STK40: variants seen among roughly 807,000 people sequenced by gnomAD.
STK40 encodes serine/threonine-protein kinase 40.
STK40 carries 13 observed loss-of-function variants against 47.9 expected under a neutral mutation model. The observed-to-expected ratio is 0.27, with a 90% CI of 0.18 to 0.43. The LOEUF is 0.43. STK40 is among the 20% of genes least tolerant of loss of function. STK40 has a pLI of 1.00. For synonymous variants in STK40, 225 were observed against 243.2 expected (o/e 0.93, Z 0.69); for missense variants, 460 against 595.1 (o/e 0.77, Z 2.36).
intron 4 of STK40, among the ~76,000 whole-genome samples, chr1:36,356,172 G>A (rs956709404): frequency 5.9e-5 from 9 of 152,156 alleles, no homozygotes; most frequent in African/African-American, 2.2e-4. Flanking sequence ...TCCATGTCCT[G>A]TGCTTAGGTC....
Position 36,365,032 on chromosome 1 carries a change from C to T in STK40, c.-8-3692G>A, listed in dbSNP as rs1268495924. 3.5e-5 allele frequency among the ~76,000 whole-genome samples: 5 copies of T among 141,474 alleles called. No individual in the cohort carries two copies. The East Asian group carries it at 6.1e-4, about 17-fold the overall frequency. The allele number at this position is 141,474 out of a possible 152,430, so 92.8% of individuals were successfully genotyped here. ...TTGAGACGGAGTCTCGCTCTTGTTG[C>T]CCAGGCTGGAGTGCAATGGCATGAT... On this transcript the variant is annotated intron_variant, in intron 1 of 10. Coordinates refer to ENST00000373132, the MANE Select transcript of STK40 (RefSeq NM_001282547.2).
At chr1:36,355,091 A>T in intron 5 of STK40, 115 bp downstream of exon 5, 1 of 1,071,944 alleles carries the variant, frequency 9.3e-7, no homozygotes, top group Non-Finnish European at 1.4e-6. Context: ...TCTTTTGGAC[A>T]CTCCCAGCTG....
intron 1 of STK40, among the ~76,000 whole-genome samples, chr1:36,384,031 C>CT (rs35654052): frequency 5.8e-4 from 77 of 131,940 alleles, no homozygotes; most frequent in South Asian, 2.3e-3. Context: ...TCTTCTTCTT[C>CT]TTTTTTTTTT....
At chr1:36,377,590 G>A (rs1388662920) in intron 1 of STK40, among the ~76,000 whole-genome samples, 1 of 150,348 alleles carries the variant, frequency 6.7e-6, no homozygotes, top group Non-Finnish European at 1.5e-5. Flanking sequence ...CTGAGCCTCA[G>A]AGAAGGCAGA....
At chr1:36,365,338 C>T (rs1312243170) in intron 1 of STK40, among the ~76,000 whole-genome samples, 1 of 152,184 alleles carries the variant, frequency 6.6e-6, no homozygotes, top group Non-Finnish European at 1.5e-5. Context: ...ATGTGGTGCA[C>T]CAGAAAGTAA....
intron 7 of STK40, among the ~76,000 whole-genome samples, chr1:36,346,333 C>T (rs1570435429): frequency 6.6e-6 from 1 of 152,232 alleles, no homozygotes; most frequent in East Asian, 1.9e-4. Context: ...ACTACTACTG[C>T]CATCCCTATT....
At chr1:36,361,045 T>C (rs1646847723) in intron 2 of STK40, among the ~76,000 whole-genome samples, 176 bp downstream of exon 2, 2 of 152,180 alleles carry the variant, frequency 1.3e-5, no homozygotes, top group African/African-American at 2.4e-5. Flanking sequence ...TCCACTGATA[T>C]AAACATATTC....
chr1:36,355,268 T>C lies in STK40; in HGVS notation c.508A>G (p.Ser170Gly). The C allele has an allele frequency of 6.2e-7, 1 of 1,614,126 alleles. No individual in the cohort carries two copies. Among genetic ancestry groups the C allele is most frequent in the Non-Finnish European group, 8.5e-7 (1 of 1,180,026 alleles). Residue 170 changes from serine to glycine, a missense_variant, in exon 5 of 11, where the codon AGC (serine) becomes GGC (glycine). Physicochemically the swap from Ser to Gly is moderately conservative, Grantham distance 56 (BLOSUM62 0). Transcript: ENST00000373132. ...AAGATTACCACAGTCTCCCTCTCGC[T>C]GAGCCTCTTCTCCTTGATGACGTAG... ...QHYVIKEKRL[S>G]ERETVVIFYD...
intron 4 of STK40, among the ~76,000 whole-genome samples, chr1:36,356,211 A>T (rs1012864983): frequency 6.6e-6 from 1 of 152,150 alleles, no homozygotes; most frequent in Non-Finnish European, 1.5e-5. Flanking sequence ...GTAAGTGGGT[A>T]CTGCCACCAA....
chr1:36,358,942 G>C, intron 2 of STK40, 120 bp from the exon 3 acceptor site: 1 of 1,064,554 alleles, frequency 9.4e-7, no homozygotes, highest in Non-Finnish European at 1.4e-6. Context: ...CATGTGTACT[G>C]GACTGACCCT....
At chr1:36,342,074 C>G in intron 10 of STK40, 101 bp from the exon 11 acceptor site, 1 of 1,131,580 alleles carries the variant, frequency 8.8e-7, no homozygotes, top group Non-Finnish European at 1.3e-6. Context: ...CTGGCTCCTG[C>G]AGTCACCCTT....
In STK40 at chr1:36,356,422, T is replaced by TC. The variant is rs1177714560; in HGVS notation, c.343-990_343-989insG. Among the ~76,000 whole-genome samples the TC allele has an allele frequency of 2.5e-3, 333 of 131,948 alleles. 2 individuals are homozygous for TC. Among genetic ancestry groups the TC allele is most frequent in the African/African-American group, 5.2e-3 (171 of 33,154 alleles). The allele number at this position is 131,948 out of a possible 152,430, so 86.6% of individuals were successfully genotyped here. ...ATATCCACATTTCTTCTTTTTCTTT[T>TC]TTTTTTTTTTTTTTTTTTTGTGAGA... On this transcript the variant is annotated intron_variant, in intron 4 of 10. Coordinates refer to ENST00000373132, the MANE Select transcript of STK40 (RefSeq NM_001282547.2).
rs112337610 is a variant in STK40, at chr1:36,375,506, CA to C, written c.-9+10216del. 4.2e-3 allele frequency among the ~76,000 whole-genome samples: 567 copies of C among 133,614 alleles called. 4 individuals carry two copies. The highest frequency in any genetic ancestry group is 0.026 in the Admixed American group (348 of 13,220). The allele number at this position is 133,614 out of a possible 152,430, so 87.7% of individuals were successfully genotyped here. ...TGGGTGACAGAGCGAGACTCTGTCT[CA>C]AAAAAAAAAAAAGAGAAATGTTATG... On this transcript the variant is annotated intron_variant, in intron 1 of 10. Transcript: ENST00000373132.
chr1:36,366,422 C>T (rs916259347), intron 1 of STK40, among the ~76,000 whole-genome samples: 33 of 152,288 alleles, frequency 2.2e-4, no homozygotes, highest in South Asian at 1.5e-3. Flanking sequence ...TTCATGCTAC[C>T]CAGAGTTGAC....
Position 36,361,344 on chromosome 1 carries a change from G to A in STK40, c.-8-4C>T, listed in dbSNP as rs761489279. On this transcript the variant is annotated splice_region_variant and splice_polypyrimidine_tract_variant and intron_variant, in intron 1 of 10. Coordinates refer to ENST00000373132, the MANE Select transcript of STK40 (RefSeq NM_001282547.2). ...GCTCTCCGCTTCATTCTCAGCTCTA[G>A]ACAAGACAGAAAGACCCCTTCTCAC... The A allele has an allele frequency of 6.2e-7, 1 of 1,614,070 alleles. No individual in the cohort carries two copies. The highest frequency in any genetic ancestry group is 8.5e-7 in the Non-Finnish European group (1 of 1,180,040).
intron 1 of STK40, among the ~76,000 whole-genome samples, chr1:36,385,245 G>A (rs1647075390): frequency 6.6e-6 from 1 of 152,220 alleles, no homozygotes; most frequent in Non-Finnish European, 1.5e-5. Context: ...AACGCCGCCC[G>A]GGATATGAAA....
chr1:36,343,893 A>G lies in STK40; in HGVS notation c.971T>C (p.Val324Ala). 6.2e-7 allele frequency: 1 copy of G among 1,605,760 alleles called. No homozygotes were observed. The highest frequency in any genetic ancestry group is 8.5e-7 in the Non-Finnish European group (1 of 1,173,972). Residue 324 changes from valine (V) to alanine (A), a missense_variant, in exon 9 of 11, where the codon GTC becomes GCC. Around this residue, in one of 3 missense-constraint regions of STK40, gnomAD observed 181 missense variants for 218.9 expected, o/e 0.83. Transcript: ENST00000373132. ...AATGATGGCACTGAGGGCCTCCAGG[A>G]CGTCGGCGGCGGCCAGGCGCTGCTG... The part of the protein sequence containing the change: ...DPQQRLAAAD[V>A]LEALSAIIAS...
intron 5 of STK40, 135 bp from the exon 6 acceptor site, chr1:36,354,551 C>A: frequency 1.2e-6 from 1 of 867,572 alleles, no homozygotes; most frequent in Non-Finnish European, 1.9e-6. Context: ...AGGCTCCAAG[C>A]ACAGGCAGAT....
chr1:36,363,482 C>T (rs1646871189), intron 1 of STK40, among the ~76,000 whole-genome samples: 1 of 152,028 alleles, frequency 6.6e-6, no homozygotes, highest in South Asian at 2.1e-4. Flanking sequence ...TCTGACCATT[C>T]CCTATTTATG....
Sources: allele counts gnomAD v4.1 joint callset (sites outside exome capture counted in the v4.1 genomes callset), GRCh38; gene constraint gnomAD v4.1.1; regional missense constraint gnomAD v4.1.1; transcripts MANE v1.5; gene names NCBI Gene and HGNC (gene_info 2026-07-23, HGNC 2026-07-21).